The following TSNARE1 variants were observed in gnomAD, a reference collection of about 807,000 sequenced individuals.
TSNARE1 encodes t-SNARE domain containing 1.
TSNARE1 carries 49 observed loss-of-function variants against 62.0 expected under a neutral mutation model. The observed-to-expected ratio is 0.79, with a 90% confidence interval of 0.63 to 1.00. TSNARE1 has a LOEUF of 1.00. Among genes scored for constraint, TSNARE1 ranks in the 50% least tolerant of loss-of-function variants. The pLI is 0.00. For synonymous variants in TSNARE1, 328 were observed against 294.4 expected, an observed-to-expected ratio of 1.11 and a Z score of -1.17; for missense variants, 755 against 700.1, an observed-to-expected ratio of 1.08 and a Z score of -0.88.
intron 10 of TSNARE1, among the ~76,000 whole-genome samples, chr8:142,292,374 C>T (rs1438350858): frequency 1.3e-5 from 2 of 152,170 alleles, no homozygotes; most frequent in African/African-American, 4.8e-5. Context: ...AAGGCAGGTG[C>T]GGCACCCTTT....
chr8:142,290,360 T>C (rs1046954302), intron 10 of TSNARE1, among the ~76,000 whole-genome samples: 5 of 152,124 alleles, frequency 3.3e-5, no homozygotes, highest in African/African-American at 9.7e-5. Flanking sequence ...CAGAACTTAG[T>C]AGATGGTTAA....
chr8:142,315,108 A>C lies in TSNARE1; in HGVS notation c.985-16T>G. On this transcript the variant is annotated splice_polypyrimidine_tract_variant and intron_variant, in intron 7 of 13. Transcript: ENST00000524325. ...GACGCTCCTGCTGCAGAGAAGGTAC[A>C]GCTGGCACGGCATGGGAGGCTTGGC... is the stretch of plus-strand genomic sequence containing the variant. 6.2e-7 allele frequency: 1 copy of C among 1,613,912 alleles called. No individual in the cohort carries two copies. The highest frequency in any genetic ancestry group is 8.5e-7 in the Non-Finnish European group (1 of 1,179,932).
chr8:142,303,267 T>C (rs1467782802), intron 9 of TSNARE1, among the ~76,000 whole-genome samples: 2 of 152,114 alleles, frequency 1.3e-5, no homozygotes, highest in Non-Finnish European at 2.9e-5. Context: ...TGAGCGCTCC[T>C]GGGGAGGCCT....
chr8:142,395,177 C>A (rs1290255024), intron 1 of TSNARE1, among the ~76,000 whole-genome samples: 1 of 152,120 alleles, frequency 6.6e-6, no homozygotes, highest in East Asian at 1.9e-4. Context: ...GGGCATTTTC[C>A]TGTGCTGGGA....
chr8:142,275,939 G>A (rs1586951987), intron 11 of TSNARE1: 7 of 985,388 alleles, frequency 7.1e-6, no homozygotes, highest in Non-Finnish European at 8.4e-6. Context: ...CTCTCATCAG[G>A]GAACTGTGGC....
At chr8:142,256,354 ATTATCACCACC>A (rs1818562311) in intron 12 of TSNARE1, among the ~76,000 whole-genome samples, 1 of 147,866 alleles carries the variant, frequency 6.8e-6, no homozygotes. Flanking sequence ...CATCACCATC[ATTATCACCACC>A]ATCATCACCA....
At chr8:142,241,833 C>G (rs112614473) in intron 12 of TSNARE1, among the ~76,000 whole-genome samples, 5 of 150,942 alleles carry the variant, frequency 3.3e-5, no homozygotes, top group African/African-American at 1.2e-4. Flanking sequence ...CTCCATCTCA[C>G]GCCGTATACA....
At chr8:142,370,316 C>T (rs1835833281) in intron 1 of TSNARE1, among the ~76,000 whole-genome samples, 1 of 152,202 alleles carries the variant, frequency 6.6e-6, no homozygotes, top group Non-Finnish European at 1.5e-5. Flanking sequence ...TGCCTGTAAT[C>T]CCAGCACTTT....
intron 13 of TSNARE1, among the ~76,000 whole-genome samples, chr8:142,217,116 G>A (rs1025633235): frequency 2.0e-5 from 3 of 151,886 alleles, no homozygotes; most frequent in African/African-American, 7.3e-5. Flanking sequence ...GGTGGCACAT[G>A]CCTGTAATCC....
At chr8:142,310,698 G>C (rs1296186965) in intron 9 of TSNARE1, among the ~76,000 whole-genome samples, 2 of 152,168 alleles carry the variant, frequency 1.3e-5, no homozygotes, top group African/African-American at 4.8e-5. Context: ...TCAGGTGTCA[G>C]TCTTGTCCCT....
chr8:142,267,853 AC>A (rs1819221356), intron 12 of TSNARE1, among the ~76,000 whole-genome samples: 1 of 152,220 alleles, frequency 6.6e-6, no homozygotes, highest in African/African-American at 2.4e-5. Context: ...TACGAATCCC[AC>A]TGAAATCCCA....
chr8:142,395,742 G>T (rs976079737), intron 1 of TSNARE1, among the ~76,000 whole-genome samples: 24 of 152,182 alleles, frequency 1.6e-4, no homozygotes, highest in African/African-American at 5.5e-4. Flanking sequence ...ACGCTCATCA[G>T]CACCTTCCCA....
chr8:142,365,441 C>T (rs1835461825), intron 1 of TSNARE1, among the ~76,000 whole-genome samples: 1 of 152,188 alleles, frequency 6.6e-6, no homozygotes, highest in Non-Finnish European at 1.5e-5. Context: ...AATATGAACA[C>T]AACCTTTAGA....
chr8:142,216,842 G>A (rs2129840182), intron 13 of TSNARE1, among the ~76,000 whole-genome samples: 1 of 152,288 alleles, frequency 6.6e-6, no homozygotes, highest in East Asian at 1.9e-4. Context: ...GGACATCCCT[G>A]GGCCCCACAC....
chr8:142,275,357 G>A (rs1245189155), intron 11 of TSNARE1: 9 of 985,312 alleles, frequency 9.1e-6, no homozygotes, highest in Non-Finnish European at 9.6e-6. Flanking sequence ...CTCAAGCACA[G>A]GGAGCTGATC....
In TSNARE1 at chr8:142,363,913, T is replaced by C. The variant is rs375227464; in HGVS notation, c.-39-9150A>G. On this transcript the variant is annotated intron_variant, in intron 1 of 13. Transcript: ENST00000524325. ...GACCATAGTCTCATGTGGAGATGTG[T>C]AGGACCTGTCTGGGGGTCAAAGGGG... 2.4e-4 allele frequency among the ~76,000 whole-genome samples: 36 copies of C among 152,282 alleles called. 1 individual carries two copies. Among genetic ancestry groups the C allele is most frequent in the African/African-American group, 8.2e-4 (34 of 41,562 alleles).
chr8:142,275,412 G>C (rs1328689672), intron 11 of TSNARE1: 1 of 985,326 alleles, frequency 1.0e-6, no homozygotes, highest in East Asian at 1.1e-4. Flanking sequence ...ATGGTACCTG[G>C]GAAAAGCCGG....
chr8:142,215,206 C>T (rs766264936), intron 13 of TSNARE1, among the ~76,000 whole-genome samples: 1 of 152,228 alleles, frequency 6.6e-6, no homozygotes, highest in Non-Finnish European at 1.5e-5. Flanking sequence ...CTCCCAGGCA[C>T]TGCACTGCTC....
intron 10 of TSNARE1, among the ~76,000 whole-genome samples, chr8:142,294,690 C>T (rs985418376): frequency 6.6e-6 from 1 of 152,172 alleles, no homozygotes; most frequent in African/African-American, 2.4e-5. Flanking sequence ...TGCAGGAGCT[C>T]GGAGGGCCTG....
Sources: gnomAD v4.1 joint callset for allele counts (sites outside exome capture counted in the v4.1 genomes callset) on GRCh38, gnomAD v4.1.1 for gene constraint, MANE v1.5 for transcripts, NCBI Gene and HGNC (gene_info 2026-07-23, HGNC 2026-07-21) for gene names.